Variants in PDIA5 observed in about 807,000 individuals in gnomAD.
PDIA5 encodes protein disulfide isomerase family A member 5, also known as protein disulfide-isomerase A5.
Under a neutral mutation model 77.6 loss-of-function variants are expected in PDIA5, and 58 were observed. The ratio of observed to expected loss-of-function variants is 0.75; its 90% CI spans 0.61 to 0.93. The LOEUF is 0.93. Ranked by LOEUF, PDIA5 falls within the 40% of genes least tolerant of loss-of-function variation. The probability of loss-of-function intolerance (pLI) is 0.00; values close to 1 mark genes in which losing one functional copy is unlikely to be tolerated. For missense variants in PDIA5, 630 were observed against 647.7 expected (o/e 0.97, Z 0.30); for synonymous variants, 250 against 252.1 (o/e 0.99, Z 0.08).
At chr3:123,069,614 G>A (rs1221840990) in intron 1 of PDIA5, among the ~76,000 whole-genome samples, 1 of 152,136 alleles carries the variant, frequency 6.6e-6, no homozygotes, top group East Asian at 1.9e-4. Context: ...ACTTCTCACT[G>A]TATTCTCATA....
At chr3:123,074,616 G>C (rs999277752) in intron 1 of PDIA5, among the ~76,000 whole-genome samples, 3 of 152,308 alleles carry the variant, frequency 2.0e-5, no homozygotes, top group African/African-American at 7.2e-5. Context: ...CATAAATAGT[G>C]TTTCAGGATA....
At chr3:123,150,030 C>T (rs1237093654) in intron 13 of PDIA5, among the ~76,000 whole-genome samples, 1 of 152,168 alleles carries the variant, frequency 6.6e-6, no homozygotes, top group Non-Finnish European at 1.5e-5. Flanking sequence ...TAATGGGCTC[C>T]TCAGAGGGAA....
intron 3 of PDIA5, among the ~76,000 whole-genome samples, chr3:123,095,711 C>T (rs1401178281): frequency 6.8e-6 from 1 of 147,626 alleles, no homozygotes; most frequent in Non-Finnish European, 1.5e-5. Context: ...ATCACGCCAT[C>T]GCACTCCAGC....
intron 1 of PDIA5, among the ~76,000 whole-genome samples, chr3:123,087,511 G>T: frequency 1.4e-5 from 2 of 146,570 alleles, no homozygotes; most frequent in African/African-American, 5.1e-5. Flanking sequence ...AATTATTTCT[G>T]TGATAGTTTT....
chr3:123,111,724 A>T (rs1465246050), intron 7 of PDIA5, among the ~76,000 whole-genome samples: 2 of 152,260 alleles, frequency 1.3e-5, no homozygotes, highest in Non-Finnish European at 2.9e-5. Flanking sequence ...AATTTCACAG[A>T]ATTAAAAATG....
chr3:123,128,344 C>T (rs1199282631), intron 10 of PDIA5, among the ~76,000 whole-genome samples: 4 of 152,078 alleles, frequency 2.6e-5, no homozygotes, highest in Non-Finnish European at 4.4e-5. Context: ...AGAGTGTATT[C>T]GCCTCTGTGT....
intron 8 of PDIA5, among the ~76,000 whole-genome samples, chr3:123,117,545 T>A (rs1410245363): frequency 5.3e-5 from 8 of 151,822 alleles, no homozygotes; most frequent in African/African-American, 1.9e-4. Context: ...ATTTTGACTA[T>A]TTTAAGTTAC....
At chr3:123,136,614 C>G (rs895784512) in intron 11 of PDIA5, among the ~76,000 whole-genome samples, 6 of 151,676 alleles carry the variant, frequency 4.0e-5, no homozygotes, top group Non-Finnish European at 7.4e-5. Flanking sequence ...TGGTGCACGC[C>G]TGTAGTCCCA....
chr3:123,154,625 C>T (rs1000255189), intron 14 of PDIA5, among the ~76,000 whole-genome samples: 2 of 152,128 alleles, frequency 1.3e-5, no homozygotes, highest in Non-Finnish European at 2.9e-5. Flanking sequence ...CTGAGAATCC[C>T]GTGCCTTCCT....
At chr3:123,120,628 A>G (rs1172006606) in intron 8 of PDIA5, among the ~76,000 whole-genome samples, 1 of 152,028 alleles carries the variant, frequency 6.6e-6, no homozygotes, top group Non-Finnish European at 1.5e-5. Flanking sequence ...CATGGAGCCC[A>G]AGTCCTTCCC....
intron 3 of PDIA5, among the ~76,000 whole-genome samples, chr3:123,100,045 C>T (rs1934543018): frequency 6.6e-6 from 1 of 152,240 alleles, no homozygotes; most frequent in South Asian, 2.1e-4. Flanking sequence ...ACATCCCATC[C>T]CAGCCTTGGC....
At chr3:123,151,419 C>T (rs113404749) in intron 14 of PDIA5, among the ~76,000 whole-genome samples, 3,663 of 152,340 alleles carry the variant, frequency 0.024, 157 homozygotes, top group African/African-American at 0.081. Context: ...AGGCCCCTCC[C>T]GCAGCCTGGA....
At chr3:123,127,626 A>G (rs1395379014) in intron 10 of PDIA5, among the ~76,000 whole-genome samples, 2 of 152,168 alleles carry the variant, frequency 1.3e-5, no homozygotes, top group African/African-American at 4.8e-5. Flanking sequence ...TCTGCTGAAG[A>G]CAGAACATTC....
At chr3:123,158,160 T>C (rs1249307230) in intron 15 of PDIA5, among the ~76,000 whole-genome samples, 1 of 152,214 alleles carries the variant, frequency 6.6e-6, no homozygotes, top group African/African-American at 2.4e-5. Flanking sequence ...GTTGACTAGG[T>C]GAAGGAACAA....
rs116552732 is a variant in PDIA5 at position 123,084,887 on chromosome 3, G to T, written c.43-4281G>T. On this transcript the variant is annotated intron_variant, in intron 1 of 16. Transcript: ENST00000316218. ...CCTCCCTGGCTGCTGCCCAGTCTGA[G>T]GTCACGGCCAGATGAGTCTCTACAA... Among the ~76,000 whole-genome samples the T allele has an allele frequency of 4.3e-3, 657 of 152,320 alleles. 6 individuals carry two copies. Among genetic ancestry groups the T allele is most frequent in the African/African-American group, 0.015 (636 of 41,568 alleles).
Position 123,146,979 on chromosome 3 carries a change from T to G in PDIA5, c.1142+720T>G, listed in dbSNP as rs944148192. On this transcript the variant is annotated intron_variant, in intron 13 of 16. Transcript: ENST00000316218. ...CACATGCCACCATGCCTGGCTAATT[T>G]TTTGTATTTTTAGTAGAGACGGGGT... is the stretch of plus-strand genomic sequence containing the variant. Among the ~76,000 whole-genome samples, 126 of 152,186 alleles carry G rather than the reference T, an allele frequency of 8.3e-4. 1 individual carries two copies. Among genetic ancestry groups the G allele is most frequent in the African/African-American group, 3.0e-3 (124 of 41,504 alleles).
At chr3:123,104,938 G>A (rs1326906397) in intron 5 of PDIA5, among the ~76,000 whole-genome samples, 1 of 152,190 alleles carries the variant, frequency 6.6e-6, no homozygotes, top group Non-Finnish European at 1.5e-5. Context: ...AGAACCTATG[G>A]GTGGGGTTAT....
intron 3 of PDIA5, among the ~76,000 whole-genome samples, chr3:123,098,027 C>T (rs751842388): frequency 2.0e-5 from 3 of 152,030 alleles, no homozygotes; most frequent in Non-Finnish European, 2.9e-5. Context: ...GGTTGGGAGG[C>T]GAGGAGAGAA....
intron 2 of PDIA5, among the ~76,000 whole-genome samples, chr3:123,089,835 GC>G (rs1934237981): frequency 6.6e-6 from 1 of 152,260 alleles, no homozygotes; most frequent in African/African-American, 2.4e-5. Context: ...TTGGGTCACA[GC>G]ATTTCTTGGG....
Sources: allele counts gnomAD v4.1 joint callset (sites outside exome capture counted in the v4.1 genomes callset), GRCh38; gene constraint gnomAD v4.1.1; transcripts MANE v1.5; gene names NCBI Gene and HGNC (gene_info 2026-07-23, HGNC 2026-07-21).